ZNF385D: variants seen among roughly 807,000 people sequenced by gnomAD.
The protein encoded by ZNF385D is zinc finger protein 385D.
ZNF385D carries 15 observed loss-of-function variants against 35.8 expected under a neutral mutation model. The ratio of observed to expected loss-of-function variants is 0.42; its 90% CI spans 0.28 to 0.64. ZNF385D has a LOEUF of 0.64. ZNF385D is among the 30% of genes least tolerant of loss of function. The pLI is 0.23. For missense variants in ZNF385D, 474 were observed against 494.6 expected (o/e 0.96, Z 0.39); for synonymous variants, 212 against 186.8 (o/e 1.13, Z -1.10).
intron 3 of ZNF385D, among the ~76,000 whole-genome samples, chr3:22,088,406 G>C (rs1196668752): frequency 6.6e-6 from 1 of 152,174 alleles, no homozygotes; most frequent in Admixed American, 6.6e-5. Flanking sequence ...CACTTGTTTT[G>C]TTGTATCCTA....
At chr3:22,035,278 G>A (rs1441384230) in intron 3 of ZNF385D, among the ~76,000 whole-genome samples, 1 of 152,142 alleles carries the variant, frequency 6.6e-6, no homozygotes, top group Admixed American at 6.6e-5. Context: ...TCAAAATAAT[G>A]GCATTTAAAT....
chr3:21,426,758 A>G (rs992271190), intron 5 of ZNF385D, among the ~76,000 whole-genome samples: 4 of 152,140 alleles, frequency 2.6e-5, no homozygotes, highest in African/African-American at 9.7e-5. Flanking sequence ...CTAAATGTTA[A>G]TGAGGAAAAT....
intron 3 of ZNF385D, among the ~76,000 whole-genome samples, chr3:22,104,086 T>G (rs765843391): frequency 3.3e-5 from 5 of 152,146 alleles, no homozygotes; most frequent in Non-Finnish European, 7.4e-5. Flanking sequence ...GAGAACTTGT[T>G]ATCTTTTCCT....
In ZNF385D at chr3:22,357,248, C is replaced by G. The variant is rs552201620; in HGVS notation, c.106+15202G>C. Among the ~76,000 whole-genome samples the G allele has an allele frequency of 2.2e-4, 34 of 151,934 alleles. No individual in the cohort carries two copies. In the South Asian group the frequency reaches 7.1e-3, roughly 32 times the overall value. ...CAGGAAGTGTTTAAGGGAGAAAATA[C>G]AAACTGAAGAGTAGTTCTGAATTAT... On this transcript the variant is annotated intron_variant, in intron 2 of 5. Coordinates refer to the ZNF385D transcript ENST00000494108.
chr3:21,807,273 G>C (rs190939040), intron 3 of ZNF385D, among the ~76,000 whole-genome samples: 3 of 152,186 alleles, frequency 2.0e-5, no homozygotes, highest in Admixed American at 2.0e-4. Flanking sequence ...TACATCTAGA[G>C]CATATCTCTA....
At chr3:22,364,798 G>A (rs1443302829) in intron 2 of ZNF385D, among the ~76,000 whole-genome samples, 1 of 152,042 alleles carries the variant, frequency 6.6e-6, no homozygotes, top group Non-Finnish European at 1.5e-5. Flanking sequence ...CATGTTTACA[G>A]CAACATTAAA....
At chr3:21,721,083 T>C (rs2068521412) in intron 1 of ZNF385D, among the ~76,000 whole-genome samples, 1 of 152,174 alleles carries the variant, frequency 6.6e-6, no homozygotes. Flanking sequence ...TTCTTTTTTC[T>C]AGTGGACAAA....
At chr3:22,113,317 A>C (rs1423097706) in intron 3 of ZNF385D, among the ~76,000 whole-genome samples, 2 of 152,100 alleles carry the variant, frequency 1.3e-5, no homozygotes, top group African/African-American at 4.8e-5. Flanking sequence ...ACACCAAGGA[A>C]AGCAGGCTTT....
At chr3:22,107,701 C>T (rs781612794) in intron 3 of ZNF385D, among the ~76,000 whole-genome samples, 1 of 151,730 alleles carries the variant, frequency 6.6e-6, no homozygotes, top group Non-Finnish European at 1.5e-5. Context: ...GATATATTTC[C>T]TTCTAGTCTT....
At chr3:21,776,118 A>C (rs887391593) in intron 3 of ZNF385D, among the ~76,000 whole-genome samples, 1 of 151,866 alleles carries the variant, frequency 6.6e-6, no homozygotes, top group Non-Finnish European at 1.5e-5. Flanking sequence ...TAATTATTTA[A>C]TTATATCCTA....
At chr3:22,002,013 TAAC>T (rs1695872537) in intron 3 of ZNF385D, among the ~76,000 whole-genome samples, 1 of 151,578 alleles carries the variant, frequency 6.6e-6, no homozygotes, top group Non-Finnish European at 1.5e-5. Context: ...AACAAACTTG[TAAC>T]AATATAGCTC....
intron 2 of ZNF385D, among the ~76,000 whole-genome samples, chr3:21,662,391 C>T (rs975189261): frequency 6.6e-6 from 1 of 152,012 alleles, no homozygotes; most frequent in African/African-American, 2.4e-5. Flanking sequence ...CTTAGCATAC[C>T]CTGAAACAAA....
intron 3 of ZNF385D, among the ~76,000 whole-genome samples, chr3:22,099,976 A>C (rs1701842460): frequency 6.6e-6 from 1 of 152,138 alleles, no homozygotes; most frequent in African/African-American, 2.4e-5. Flanking sequence ...GAACTCAAAC[A>C]AATTTACAAG....
intron 3 of ZNF385D, among the ~76,000 whole-genome samples, chr3:22,058,079 T>A (rs1038520001): frequency 6.6e-6 from 1 of 152,216 alleles, no homozygotes; most frequent in Admixed American, 6.5e-5. Context: ...CCTTCTAGGC[T>A]GTGCTACACA....
chr3:22,161,681 A>AT (rs1284400359), intron 3 of ZNF385D, among the ~76,000 whole-genome samples: 1 of 152,194 alleles, frequency 6.6e-6, no homozygotes, highest in Non-Finnish European at 1.5e-5. Context: ...ATATATAGTG[A>AT]TAAATTATCA....
chr3:21,641,668 G>A (rs1414982676), intron 2 of ZNF385D, among the ~76,000 whole-genome samples: 2 of 142,056 alleles, frequency 1.4e-5, no homozygotes, highest in Non-Finnish European at 3.0e-5. Flanking sequence ...TAGAGATGGG[G>A]TTTTGCCATG....
In ZNF385D at chr3:22,134,851, C is replaced by T. The variant is rs187347943; in HGVS notation, c.325+33966G>A. On this transcript the variant is annotated intron_variant, in intron 3 of 5. Transcript: ENST00000494108. ...CTAACTCATACTTTTATAAGGTACC[C>T]ACTCTTGGCCATAATCGCATTATGA... Among the ~76,000 whole-genome samples, 43 of 152,186 alleles carry T rather than the reference C, an allele frequency of 2.8e-4. No individual in the cohort carries two copies. The East Asian group carries it at 7.0e-3, about 25-fold the overall frequency.
At chr3:21,770,931 C>T (rs2071047556) in intron 3 of ZNF385D, among the ~76,000 whole-genome samples, 1 of 152,034 alleles carries the variant, frequency 6.6e-6, no homozygotes, top group South Asian at 2.1e-4. Flanking sequence ...GAGTTCATGT[C>T]CTTTGTAGGG....
chr3:21,819,844 T>C (rs1366846592), intron 3 of ZNF385D, among the ~76,000 whole-genome samples: 2 of 147,832 alleles, frequency 1.4e-5, no homozygotes, highest in Non-Finnish European at 3.0e-5. Context: ...ATAATACACA[T>C]ATATACATAA....
Sources: gnomAD v4.1 joint callset for allele counts (sites outside exome capture counted in the v4.1 genomes callset) on GRCh38, gnomAD v4.1.1 for gene constraint, MANE v1.5 for transcripts, NCBI Gene and HGNC (gene_info 2026-07-23, HGNC 2026-07-21) for gene names.